Variants in MEGF9 observed in about 807,000 individuals in gnomAD.
The protein encoded by MEGF9 is multiple epidermal growth factor-like domains protein 9.
MEGF9 carries 6 observed loss-of-function variants against 46.8 expected under a neutral mutation model. The observed-to-expected ratio is 0.13, with a 90% CI of 0.07 to 0.25. The LOEUF (loss-of-function observed/expected upper bound fraction) is 0.25, where lower values mean the gene tolerates loss of function less well. Among genes scored for constraint, MEGF9 ranks in the 10% least tolerant of loss-of-function variants. The pLI is 1.00. For missense variants in MEGF9, 683 were observed against 792.4 expected (o/e 0.86, Z 1.66); for synonymous variants, 302 against 330.7 (o/e 0.91, Z 0.94).
At chr9:120,665,027 T>A (rs769262757) in intron 1 of MEGF9, among the ~76,000 whole-genome samples, 5 of 152,302 alleles carry the variant, frequency 3.3e-5, no homozygotes, top group Middle Eastern at 3.4e-3. Flanking sequence ...ACATTCAAAA[T>A]TCTCTCTTCT....
At position 120,601,626 on chromosome 9, in the gene MEGF9, T is replaced by C. The variant is rs1434885451; in HGVS notation, c.*3564A>G. ...CTCTCATCCCATGTTTCCTCTGTTC[T>C]CTACTCTTAAAATCTAGGTATCACT... On this transcript the variant is annotated 3_prime_UTR_variant, in exon 6 of 6. Coordinates refer to ENST00000373930, the MANE Select transcript of MEGF9 (RefSeq NM_001080497.3). 1 of 152,236 alleles carries C rather than the reference T, an allele frequency of 6.6e-6. No homozygotes were observed. The highest frequency in any genetic ancestry group is 1.5e-5 in the Non-Finnish European group (1 of 68,032). 9.4% of individuals were successfully genotyped at this position (152,236 alleles called of 1,614,324 possible).
intron 2 of MEGF9, among the ~76,000 whole-genome samples, chr9:120,629,984 T>C (rs1287975210): frequency 1.3e-5 from 2 of 151,990 alleles, no homozygotes; most frequent in African/African-American, 4.8e-5. Context: ...AATTTACGTA[T>C]TGTCTATGGC....
At position 120,607,636 on chromosome 9, in the gene MEGF9, A is replaced by C. The variant is rs183973988; in HGVS notation, c.1357+105T>G. 5.1e-5 allele frequency: 63 copies of C among 1,227,670 alleles called. 1 individual carries two copies. In the Admixed American group the frequency reaches 1.0e-3, roughly 20 times the overall value. The allele number at this position is 1,227,670 out of a possible 1,614,324, so 76.0% of individuals were successfully genotyped here. On this transcript the variant is annotated intron_variant, in intron 5 of 5. Coordinates refer to ENST00000373930, the MANE Select transcript of MEGF9 (RefSeq NM_001080497.3). Reference sequence around the variant, plus strand: ...TTTAGGCAAATATCTATCAAAATCTATTTCCAGAAACTCCTCTGGTAGGGT... The same window carrying C: ...TTTAGGCAAATATCTATCAAAATCTCTTTCCAGAAACTCCTCTGGTAGGGT...
At chr9:120,627,467 TTC>T (rs927624382) in intron 2 of MEGF9, among the ~76,000 whole-genome samples, 4 of 152,206 alleles carry the variant, frequency 2.6e-5, no homozygotes, top group African/African-American at 7.2e-5. Flanking sequence ...TCTTTCCTTT[TTC>T]TTTTTTTTGA....
intron 2 of MEGF9, among the ~76,000 whole-genome samples, chr9:120,651,197 AGTT>A (rs1054220487): frequency 2.0e-5 from 3 of 152,240 alleles, no homozygotes; most frequent in African/African-American, 7.2e-5. Context: ...TACAAAGAAG[AGTT>A]ATTATTTACA....
chr9:120,694,328 T>G (rs2043864866), intron 1 of MEGF9, among the ~76,000 whole-genome samples: 1 of 152,216 alleles, frequency 6.6e-6, no homozygotes, highest in Non-Finnish European at 1.5e-5. Context: ...ATTTGTAAAG[T>G]TGGGTAACAC....
In MEGF9 at chr9:120,691,339, T is replaced by C. The variant is rs77554508; in HGVS notation, c.601+22419A>G. The C allele has an allele frequency of 1.9e-3, 701 of 375,420 alleles. 8 individuals are homozygous for C. The highest frequency in any genetic ancestry group is 0.014 in the African/African-American group (651 of 45,740). 23.3% of individuals were successfully genotyped at this position (375,420 alleles called of 1,614,324 possible). A position where few individuals can be genotyped will look rare whatever the true frequency, so the allele number is the denominator to read the frequency against. On this transcript the variant is annotated intron_variant, in intron 1 of 5. Coordinates refer to ENST00000373930, the MANE Select transcript of MEGF9 (RefSeq NM_001080497.3). ...TGGGTGAGAGATATGAGAAAGGTCA[T>C]AACCCTACTCTGTTAATTTTGGTAT...
intron 1 of MEGF9, among the ~76,000 whole-genome samples, chr9:120,688,233 T>A (rs1232514804): frequency 6.6e-6 from 1 of 151,572 alleles, no homozygotes; most frequent in Non-Finnish European, 1.5e-5. Flanking sequence ...AAGGTCAGAT[T>A]CAAGTGAAGA....
At chr9:120,660,367 C>T (rs138020428) in intron 1 of MEGF9, among the ~76,000 whole-genome samples, 1,685 of 152,214 alleles carry the variant, frequency 0.011, 33 homozygotes, top group African/African-American at 0.036. Context: ...ACGGTGTGTC[C>T]ATCACCTTAA....
chr9:120,713,925 G>T lies in MEGF9; in HGVS notation c.434C>A (p.Pro145Gln), dbSNP rs756145316. The T allele has an allele frequency of 3.0e-6, 4 of 1,353,914 alleles. No homozygotes were observed. The South Asian group carries it at 7.8e-5, about 26-fold the overall frequency. The allele number at this position is 1,353,914 out of a possible 1,614,324, so 83.9% of individuals were successfully genotyped here. A position where few individuals can be genotyped will look rare whatever the true frequency, so the allele number is the denominator to read the frequency against. ...GCCAGTGGTCGTCGAAAGGGTGGTC[G>T]GCGCGGGTCTGGTCGGCGCCTGAGA... ...TTSQAPTRPAPTTLSTTTGPA... is the reference protein window; with the variant it reads ...TTSQAPTRPAQTTLSTTTGPA... Residue 145 changes from proline to glutamine, a missense_variant, in exon 1 of 6, where the codon CCG becomes CAG. Physicochemically the swap from Pro to Gln is moderately conservative, Grantham distance 76 (BLOSUM62 -1). Coordinates refer to ENST00000373930, the MANE Select transcript of MEGF9 (RefSeq NM_001080497.3).
chr9:120,631,279 T>A (rs1213795929), intron 2 of MEGF9, among the ~76,000 whole-genome samples: 1 of 152,234 alleles, frequency 6.6e-6, no homozygotes, highest in Non-Finnish European at 1.5e-5. Context: ...GAGAATCAAG[T>A]GGCTGTAAGT....
chr9:120,662,512 C>T (rs1001174841), intron 1 of MEGF9, among the ~76,000 whole-genome samples: 3 of 152,174 alleles, frequency 2.0e-5, no homozygotes, highest in African/African-American at 7.2e-5. Flanking sequence ...AGATTGTAGA[C>T]GTAGACGGCT....
At position 120,605,113 on chromosome 9, in the gene MEGF9, C is replaced by CCCTA; in HGVS notation, c.*76_*77insTAGG. 1 of 1,439,772 alleles carries CCCTA rather than the reference C, an allele frequency of 6.9e-7. No individual in the cohort carries two copies. The highest frequency in any genetic ancestry group is 9.4e-7 in the Non-Finnish European group (1 of 1,067,684). 89.2% of individuals were successfully genotyped at this position (1,439,772 alleles called of 1,614,324 possible). On this transcript the variant is annotated 3_prime_UTR_variant, in exon 6 of 6. Transcript: ENST00000373930. This position sits in a 1 kb window ranked among gnomAD's most constrained non-coding sequence, Gnocchi z 4.0. ...CTTTGCTTTCTCAGCAAACTCTAGC[C>CCCTA]AGGCTTTGTCTGGCCCAGGGGCTGA...
At chr9:120,653,396 G>A (rs2043662515) in intron 2 of MEGF9, among the ~76,000 whole-genome samples, 1 of 148,256 alleles carries the variant, frequency 6.7e-6, no homozygotes, top group African/African-American at 2.5e-5. Context: ...TTTTGAGACA[G>A]GGTCTCACTC....
At chr9:120,653,131 G>C (rs2043660908) in intron 2 of MEGF9, among the ~76,000 whole-genome samples, 1 of 152,130 alleles carries the variant, frequency 6.6e-6, no homozygotes, top group African/African-American at 2.4e-5. Flanking sequence ...AGAGCTGTTT[G>C]CTCAGAGTTC....
rs145637108 is a variant in MEGF9 at position 120,697,578 on chromosome 9, A to T, written c.601+16180T>A. On this transcript the variant is annotated intron_variant, in intron 1 of 5. Transcript: ENST00000373930. Reference sequence around the variant, plus strand: ...CTTGCTAAATGCTAATAAGCATGACATTGTCTCTTGTTAGCACCGATCCTC... The same window carrying T: ...CTTGCTAAATGCTAATAAGCATGACTTTGTCTCTTGTTAGCACCGATCCTC... Among the ~76,000 whole-genome samples, 319 of 152,272 alleles carry T rather than the reference A, an allele frequency of 2.1e-3. 1 individual carries two copies. The highest frequency in any genetic ancestry group is 7.2e-3 in the African/African-American group (300 of 41,530).
intron 1 of MEGF9, among the ~76,000 whole-genome samples, chr9:120,668,690 T>C (rs893213144): frequency 2.0e-5 from 3 of 152,242 alleles, no homozygotes; most frequent in Admixed American, 6.5e-5. Context: ...ACAATGATGA[T>C]ATTACCAGCT....
chr9:120,638,241 A>G (rs2043587624), intron 2 of MEGF9, among the ~76,000 whole-genome samples: 1 of 152,176 alleles, frequency 6.6e-6, no homozygotes, highest in Non-Finnish European at 1.5e-5. Flanking sequence ...ATTCTCCCAC[A>G]TTGGCCTCCC....
intron 1 of MEGF9, among the ~76,000 whole-genome samples, chr9:120,663,259 G>A (rs1025314991): frequency 2.6e-5 from 4 of 152,172 alleles, no homozygotes; most frequent in Admixed American, 2.6e-4. Flanking sequence ...CTTAAGGCCC[G>A]TCCCAGTGAC....
Sources: gnomAD v4.1 joint callset for allele counts (sites outside exome capture counted in the v4.1 genomes callset) on GRCh38, gnomAD v4.1.1 for gene constraint, Gnocchi (gnomAD v3.1) non-coding constraint, MANE v1.5 for transcripts, NCBI Gene and HGNC (gene_info 2026-07-23, HGNC 2026-07-21) for gene names.